GTF2I: variants seen among roughly 807,000 people sequenced by gnomAD.
GTF2I encodes general transcription factor II-I.
A neutral mutation model predicts 67.6 loss-of-function variants in GTF2I; 12 were observed. The observed-to-expected ratio is 0.18, with a 90% CI of 0.11 to 0.29. GTF2I has a LOEUF of 0.29. Among genes scored for constraint, GTF2I ranks in the 10% least tolerant of loss-of-function variants. The pLI is 1.00. For synonymous variants in GTF2I, 149 were observed against 197.0 expected (o/e 0.76, Z 2.04); for missense variants, 271 against 580.1 (o/e 0.47, Z 5.47).
At chr7:74,686,764 A>G (rs1410596625) in intron 1 of GTF2I, among the ~76,000 whole-genome samples, 1 of 152,220 alleles carries the variant, frequency 6.6e-6, no homozygotes, top group Non-Finnish European at 1.5e-5. Context: ...AATAATTTCT[A>G]TAATTTACCT....
intron 1 of GTF2I, among the ~76,000 whole-genome samples, chr7:74,661,547 C>T (rs1052944416): frequency 2.0e-5 from 3 of 151,840 alleles, no homozygotes; most frequent in Non-Finnish European, 2.9e-5. Flanking sequence ...GGTGTGGTGG[C>T]GTGCGTACGT....
intron 1 of GTF2I, among the ~76,000 whole-genome samples, chr7:74,664,890 C>T (rs1163543133): frequency 6.6e-6 from 1 of 152,102 alleles, no homozygotes; most frequent in Non-Finnish European, 1.5e-5. Context: ...CTTGCCGTTT[C>T]CTGCCTGTGC....
chr7:74,706,311 T>G, intron 7 of GTF2I, 79 bp from the exon 8 acceptor site: 1 of 1,215,132 alleles, frequency 8.2e-7, no homozygotes, highest in Non-Finnish European at 1.2e-6. Flanking sequence ...CTTAACACTT[T>G]GAGACCCAGA....
At chr7:74,681,455 A>C (rs920334632) in intron 1 of GTF2I, among the ~76,000 whole-genome samples, 3 of 150,640 alleles carry the variant, frequency 2.0e-5, no homozygotes, top group African/African-American at 7.3e-5. Flanking sequence ...AAAAAGAAAA[A>C]AAGAAAAAAA....
chr7:74,727,728 C>T (rs149058567), intron 12 of GTF2I: 9 of 152,284 alleles, frequency 5.9e-5, no homozygotes, highest in African/African-American at 2.2e-4. Flanking sequence ...TGTTACCTGA[C>T]ACTTTGAGGG....
At chr7:74,671,819 C>T (rs782793227) in intron 1 of GTF2I, among the ~76,000 whole-genome samples, 1 of 150,648 alleles carries the variant, frequency 6.6e-6, no homozygotes, top group Non-Finnish European at 1.5e-5. Context: ...CTGTCTCTAC[C>T]AAAAAATCAA....
At position 74,714,921 on chromosome 7, in the gene GTF2I, A is replaced by C. The variant is rs371522836; in HGVS notation, c.823+5A>C. The C allele has an allele frequency of 1.9e-6, 3 of 1,579,990 alleles. No individual in the cohort carries two copies. The highest frequency in any genetic ancestry group is 2.6e-6 in the Non-Finnish European group (3 of 1,155,296). ...CCCTATCGAAGCCTTTGCAAGGTATAATCTTTTCACTTCCATTCTCCCACA... is the reference window on the plus strand; with the variant it reads ...CCCTATCGAAGCCTTTGCAAGGTATCATCTTTTCACTTCCATTCTCCCACA... On this transcript the variant is annotated splice_donor_5th_base_variant and intron_variant, in intron 10 of 34. Coordinates refer to ENST00000573035, the MANE Select transcript of GTF2I (RefSeq NM_032999.4).
At position 74,670,204 on chromosome 7, in the gene GTF2I, G is replaced by C. The variant is rs35071701; in HGVS notation, c.-6+12136G>C. Among the ~76,000 whole-genome samples, 1,068 of 152,284 alleles carry C rather than the reference G, an allele frequency of 7.0e-3. 12 individuals are homozygous for C. Among genetic ancestry groups the C allele is most frequent in the South Asian group, 0.034 (166 of 4,828 alleles). ...GATGCACTTTATTAAGAATTGACATGCATTCTGATAACAACTTTGTAAGGT... is the reference window on the plus strand; with the variant it reads ...GATGCACTTTATTAAGAATTGACATCCATTCTGATAACAACTTTGTAAGGT... On this transcript the variant is annotated intron_variant, in intron 1 of 34. Transcript: ENST00000573035.
At chr7:74,725,207 A>G (rs1014181494) in intron 12 of GTF2I, among the ~76,000 whole-genome samples, 7 of 151,972 alleles carry the variant, frequency 4.6e-5, no homozygotes, top group African/African-American at 1.7e-4. Context: ...TTTTTTTCTT[A>G]CTTTCTCAAA....
chr7:74,658,873 G>A (rs1024425380), intron 1 of GTF2I, among the ~76,000 whole-genome samples: 2 of 152,136 alleles, frequency 1.3e-5, no homozygotes, highest in African/African-American at 4.8e-5. Flanking sequence ...AGAGGAAGAA[G>A]GAAAATGAAA....
chr7:74,733,027 C>T (rs1448158357), intron 15 of GTF2I, among the ~76,000 whole-genome samples: 10 of 148,308 alleles, frequency 6.7e-5, no homozygotes, highest in East Asian at 2.0e-4. Context: ...AGTGCAGTGT[C>T]GCAATCTCAG....
chr7:74,723,184 C>G (rs374169872), intron 12 of GTF2I, among the ~76,000 whole-genome samples: 1 of 140,668 alleles, frequency 7.1e-6, no homozygotes, highest in East Asian at 2.2e-4. Flanking sequence ...AGTGCAGTGG[C>G]GCAATCTCGG....
At chr7:74,673,654 C>T (rs1805649678) in intron 1 of GTF2I, among the ~76,000 whole-genome samples, 2 of 150,556 alleles carry the variant, frequency 1.3e-5, no homozygotes, top group Admixed American at 6.6e-5. Flanking sequence ...GTTGAGATTA[C>T]AGGGATGAGC....
intron 1 of GTF2I, among the ~76,000 whole-genome samples, chr7:74,658,412 TG>T (rs1212108703): frequency 2.9e-5 from 4 of 137,030 alleles, no homozygotes; most frequent in Non-Finnish European, 3.2e-5. Context: ...CGGCGTGCGG[TG>T]GGGGGGCGCC....
intron 1 of GTF2I, among the ~76,000 whole-genome samples, chr7:74,677,016 G>A (rs1334961347): frequency 2.0e-5 from 3 of 152,022 alleles, no homozygotes; most frequent in East Asian, 1.9e-4. Context: ...CCGAGATTAC[G>A]CCCCTGCACT....
At chr7:74,732,948 G>A (rs1225511577) in intron 15 of GTF2I, among the ~76,000 whole-genome samples, 1 of 151,020 alleles carries the variant, frequency 6.6e-6, no homozygotes, top group East Asian at 1.9e-4. Flanking sequence ...TCCACGCCTT[G>A]TTTTTAGGCC....
At chr7:74,705,072 T>A (rs1790437998) in intron 6 of GTF2I, 92 bp from the exon 7 acceptor site, 1 of 799,516 alleles carries the variant, frequency 1.3e-6, no homozygotes, top group Non-Finnish European at 2.2e-6. Flanking sequence ...CAAAGCCTAG[T>A]TCTACCCCAC....
chr7:74,707,296 C>T (rs587670675), intron 8 of GTF2I, among the ~76,000 whole-genome samples: 305 of 152,360 alleles, frequency 2.0e-3, no homozygotes, highest in African/African-American at 7.1e-3. Context: ...CTTATTCACA[C>T]GGGACACTCC....
chr7:74,694,193 G>A (rs1224449555), intron 3 of GTF2I, among the ~76,000 whole-genome samples: 1 of 152,224 alleles, frequency 6.6e-6, no homozygotes, highest in African/African-American at 2.4e-5. Context: ...AATCCAGAGT[G>A]AGGCCCTAAC....
Sources: allele counts gnomAD v4.1 joint callset (sites outside exome capture counted in the v4.1 genomes callset), GRCh38; gene constraint gnomAD v4.1.1; transcripts MANE v1.5; gene names NCBI Gene and HGNC (gene_info 2026-07-23, HGNC 2026-07-21).